The following ZNF580 variants were observed in gnomAD, a reference collection of about 807,000 sequenced individuals.
ZNF580 encodes the protein zinc finger protein 580.
Under a neutral mutation model 1.3 loss-of-function variants are expected in ZNF580, and 1 was observed. The observed-to-expected ratio is 0.77, with a 90% CI of 0.27 to 3.65. The LOEUF is 3.65. ZNF580 is among the 30% of genes most tolerant of loss of function. The pLI, the probability that ZNF580 is intolerant of heterozygous loss-of-function variation, is 0.19. For synonymous variants in ZNF580, 135 were observed against 128.8 expected, an observed-to-expected ratio of 1.05 and a Z score of -0.32; for missense variants, 268 against 272.3, an observed-to-expected ratio of 0.98 and a Z score of 0.11.
Position 55,643,109 on chromosome 19 carries a change from A to T in ZNF580, c.*82A>T. On this transcript the variant is annotated 3_prime_UTR_variant, in exon 2 of 2. Coordinates refer to ENST00000325333, the MANE Select transcript of ZNF580 (RefSeq NM_207115.2). ...CACAGCGTCACTCACTCCCACACAC[A>T]CCCCCTGGCTCTGCTGAGGTTACTG... 2 of 1,298,904 alleles carry T rather than the reference A, an allele frequency of 1.5e-6. No homozygotes were observed. The highest frequency in any genetic ancestry group is 2.6e-5 in the South Asian group (1 of 38,488). 80.5% of individuals were successfully genotyped at this position (1,298,904 alleles called of 1,614,324 possible).
chr19:55,642,241 G>A, intron 1 of ZNF580: 4 of 1,218,332 alleles, frequency 3.3e-6, no homozygotes, highest in Non-Finnish European at 4.1e-6. Flanking sequence ...GACCTGACCT[G>A]AGTGGTGAGA....
In ZNF580 at chr19:55,643,036, C is replaced by A; in HGVS notation, c.*9C>A. On this transcript the variant is annotated 3_prime_UTR_variant, in exon 2 of 2. Coordinates refer to ENST00000325333, the MANE Select transcript of ZNF580 (RefSeq NM_207115.2). ...ACGTGCGCCTCCACTAAGCTCGAGA[C>A]CCGGCCTGTGCTGCCCTGCCCGTCT... The A allele has an allele frequency of 7.4e-7, 1 of 1,358,500 alleles. No individual in the cohort carries two copies. Among genetic ancestry groups the A allele is most frequent in the East Asian group, 3.1e-5 (1 of 32,708 alleles). The allele number at this position is 1,358,500 out of a possible 1,614,324, so 84.2% of individuals were successfully genotyped here. A position where few individuals can be genotyped will look rare whatever the true frequency, so the allele number is the denominator to read the frequency against.
chr19:55,642,023 G>A (rs530071118), intron 1 of ZNF580: 2 of 984,932 alleles, frequency 2.0e-6, no homozygotes, highest in Non-Finnish European at 2.4e-6. Context: ...GGGCCGGTGG[G>A]GGGGTAGGGG....
intron 1 of ZNF580, 135 bp downstream of exon 1, chr19:55,641,318 G>A: frequency 1.7e-6 from 1 of 587,470 alleles, no homozygotes; most frequent in South Asian, 7.4e-5. Context: ...AGGGACGGGA[G>A]GGGAAGTCGA....
At chr19:55,642,156 G>A in intron 1 of ZNF580, 1 of 1,063,314 alleles carries the variant, frequency 9.4e-7, no homozygotes, top group South Asian at 4.4e-5. Flanking sequence ...GAGGTAAACA[G>A]ATTTAGGGAT....
Position 55,642,693 on chromosome 19 carries a change from C to A in ZNF580, c.185C>A (p.Pro62His). The part of the protein sequence containing the change: ...RHLLIDANGV[P>H]YTYTVQLEEE... ...CTCCTCATCGACGCCAATGGGGTCCCCTACACATACACGGTGCAGCTGGAG... is the reference window on the plus strand; with the variant it reads ...CTCCTCATCGACGCCAATGGGGTCCACTACACATACACGGTGCAGCTGGAG... The change falls in exon 2 of 2, where the codon CCC becomes CAC. Residue 62 changes from proline to histidine, a missense_variant. Pro to His is a moderately conservative substitution (Grantham distance 77). Coordinates refer to ENST00000325333, the MANE Select transcript of ZNF580 (RefSeq NM_207115.2). 1 of 1,477,334 alleles carries A rather than the reference C, an allele frequency of 6.8e-7. No individual in the cohort carries two copies. The highest frequency in any genetic ancestry group is 9.0e-7 in the Non-Finnish European group (1 of 1,113,644). 91.5% of individuals were successfully genotyped at this position (1,477,334 alleles called of 1,614,324 possible).
chr19:55,642,601 G>C lies in ZNF580; in HGVS notation c.93G>C (p.Lys31Asn). 6.9e-7 allele frequency: 1 copy of C among 1,449,036 alleles called. No individual in the cohort carries two copies. Among genetic ancestry groups the C allele is most frequent in the Non-Finnish European group, 9.1e-7 (1 of 1,101,058 alleles). 89.8% of individuals were successfully genotyped at this position (1,449,036 alleles called of 1,614,324 possible). Residue 31 changes from lysine (K) to asparagine (N), a missense_variant, in exon 2 of 2, where the codon AAG becomes AAC. By Grantham distance (94) the Lys-to-Asn change is moderately conservative (BLOSUM62 0). Transcript: ENST00000325333. ...CCCCCAAGGCTCCCCCTTTCCCCAA[G>C]GCGGAAGGCCCCTCCTCCACTCCTT... ...PPPPKAPPFP[K>N]AEGPSSTPSS...
intron 1 of ZNF580, chr19:55,641,746 G>C (rs1322743864): frequency 6.6e-6 from 1 of 152,026 alleles, no homozygotes; most frequent in African/African-American, 2.4e-5. Context: ...CAGGTTGGGG[G>C]GGCGGGGTAT....
chr19:55,642,324 C>G (rs1982555328), intron 1 of ZNF580, 173 bp from the exon 2 acceptor site: 2 of 1,261,370 alleles, frequency 1.6e-6, no homozygotes, highest in East Asian at 3.2e-5. Flanking sequence ...TCCGAGGCAG[C>G]TTGATGGAAC....
At position 55,642,980 on chromosome 19, in the gene ZNF580, C is replaced by T. The variant is rs1430678291; in HGVS notation, c.472C>T (p.Arg158Cys). 2.2e-6 allele frequency: 3 copies of T among 1,378,496 alleles called. No individual in the cohort carries two copies. Among genetic ancestry groups the T allele is most frequent in the African/African-American group, 1.5e-5 (1 of 65,168 alleles). 85.4% of individuals were successfully genotyped at this position (1,378,496 alleles called of 1,614,324 possible). ...GCACACCTGCCCGCTCTGCCCACGC[C>T]GCTTCCAGGACGCCGCGGAGCTGGC... ...PPHTCPLCPR[R>C]FQDAAELAQH... is the part of the protein sequence containing the mutation. The change falls in exon 2 of 2, where the codon CGC becomes TGC. Residue 158 changes from arginine (R) to cysteine (C), a missense_variant. Arg to Cys is a radical substitution (Grantham distance 180). This residue lies in a region of ZNF580 where 43 missense variants were observed against 70.5 expected (regional missense o/e 0.61). Coordinates refer to ENST00000325333, the MANE Select transcript of ZNF580 (RefSeq NM_207115.2).
rs1982599142 is a variant in ZNF580, at chr19:55,642,734, C to T, written c.226C>T (p.Pro76Ser). Residue 76 changes from proline to serine, a missense_variant, in exon 2 of 2, where the codon CCG (proline) becomes TCG (serine). Physicochemically the swap from Pro to Ser is moderately conservative, Grantham distance 74 (BLOSUM62 -1). Coordinates refer to ENST00000325333, the MANE Select transcript of ZNF580 (RefSeq NM_207115.2). The part of the protein sequence containing the change: ...TVQLEEEPRG[P>S]PQREAPPGEP... Reference sequence around the variant, plus strand: ...GCAGCTGGAGGAGGAGCCCCGGGGCCCGCCCCAGCGCGAGGCGCCCCCAGG... The same window carrying T: ...GCAGCTGGAGGAGGAGCCCCGGGGCTCGCCCCAGCGCGAGGCGCCCCCAGG... 6.6e-7 allele frequency: 1 copy of T among 1,516,998 alleles called. No homozygotes were observed. Among genetic ancestry groups the T allele is most frequent in the Non-Finnish European group, 8.8e-7 (1 of 1,135,262 alleles). 94.0% of individuals were successfully genotyped at this position (1,516,998 alleles called of 1,614,324 possible).
Position 55,642,814 on chromosome 19 carries a change from C to T in ZNF580, c.306C>T (p.Ala102=). 4 of 1,572,866 alleles carry T rather than the reference C, an allele frequency of 2.5e-6. No individual in the cohort carries two copies. Among genetic ancestry groups the T allele is most frequent in the Non-Finnish European group, 2.6e-6 (3 of 1,167,572 alleles). Residue 102 remains alanine (A), a synonymous_variant, in exon 2 of 2, where the codon GCC becomes GCT. Coordinates refer to ENST00000325333, the MANE Select transcript of ZNF580 (RefSeq NM_207115.2). The part of the protein sequence containing the change: ...YSCPECARVF[A]SPLRLQSHRV... ...GCCCGGAGTGCGCCCGTGTCTTTGC[C>T]AGCCCTCTGCGGCTGCAGAGCCACC...
rs1028929169 is a variant in ZNF580, at chr19:55,641,035, C to CCCCCGCGCCCCCAGT, written c.-153_-139dup. On this transcript the variant is annotated 5_prime_UTR_variant, in exon 1 of 2. Coordinates refer to ENST00000325333, the MANE Select transcript of ZNF580 (RefSeq NM_207115.2). ...CCAGGGACTCCGCCAACCCCTCGCA[C>CCCCCGCGCCCCCAGT]CCCCGCGCCCCCAGTCCCCGCGTCC... The CCCCCGCGCCCCCAGT allele has an allele frequency of 2.3e-5, 23 of 985,202 alleles. No individual in the cohort carries two copies. The highest frequency in any genetic ancestry group is 6.2e-5 in the Admixed American group (1 of 16,250). 61.0% of individuals were successfully genotyped at this position (985,202 alleles called of 1,614,324 possible). A position where few individuals can be genotyped will look rare whatever the true frequency, so the allele number is the denominator to read the frequency against.
In ZNF580 at chr19:55,642,490, C is replaced by A; in HGVS notation, c.-12-7C>A. The A allele has an allele frequency of 7.0e-7, 1 of 1,425,684 alleles. No homozygotes were observed. Among genetic ancestry groups the A allele is most frequent in the Non-Finnish European group, 9.2e-7 (1 of 1,091,302 alleles). 88.3% of individuals were successfully genotyped at this position (1,425,684 alleles called of 1,614,324 possible). ...ATTTTAACTAATCTCCCCTCCGCCG[C>A]TCCCAGCTGCCGCTCCAGATGCTGC... On this transcript the variant is annotated splice_polypyrimidine_tract_variant and splice_region_variant and intron_variant, in intron 1 of 1. Coordinates refer to ENST00000325333, the MANE Select transcript of ZNF580 (RefSeq NM_207115.2).
intron 1 of ZNF580, chr19:55,641,954 T>C (rs1409030242): frequency 1.3e-6 from 1 of 772,668 alleles, no homozygotes; most frequent in East Asian, 1.4e-4. Flanking sequence ...CCACGGAATA[T>C]GAAGATGGGG....
chr19:55,641,486 T>A (rs1982473511), intron 1 of ZNF580, among the ~76,000 whole-genome samples: 1 of 151,788 alleles, frequency 6.6e-6, no homozygotes, highest in Non-Finnish European at 1.5e-5. Flanking sequence ...CCACGCTGTG[T>A]GTAACAGGGA....
Position 55,641,140 on chromosome 19 carries a change from G to A in ZNF580, c.-56G>A, listed in dbSNP as rs1448519794. The A allele has an allele frequency of 3.0e-6, 3 of 985,300 alleles. No individual in the cohort carries two copies. The Admixed American group carries it at 1.8e-4, about 61-fold the overall frequency. 61.0% of individuals were successfully genotyped at this position (985,300 alleles called of 1,614,324 possible). A position where few individuals can be genotyped will look rare whatever the true frequency, so the allele number is the denominator to read the frequency against. On this transcript the variant is annotated 5_prime_UTR_variant, in exon 1 of 2. Coordinates refer to ENST00000325333, the MANE Select transcript of ZNF580 (RefSeq NM_207115.2). ...GCCAGGGGAAGCCCGGGGCCGCCCGGGACCTCGGCCCGTTCCTCCGGACCC... is the reference window on the plus strand; with the variant it reads ...GCCAGGGGAAGCCCGGGGCCGCCCGAGACCTCGGCCCGTTCCTCCGGACCC...
intron 1 of ZNF580, chr19:55,642,011 G>A: frequency 1.0e-6 from 1 of 983,336 alleles, no homozygotes; most frequent in African/African-American, 1.8e-5. Context: ...AGGCCGATAC[G>A]GGGGCCGGTG....
At chr19:55,642,459 G>C (rs1222963267) in intron 1 of ZNF580, 38 bp from the exon 2 acceptor site, 2 of 1,398,302 alleles carry the variant, frequency 1.4e-6, no homozygotes, top group Non-Finnish European at 1.9e-6. Context: ...CTAAAAGGAA[G>C]TGGCAATTTT....
Sources: gnomAD v4.1 joint callset for allele counts (sites outside exome capture counted in the v4.1 genomes callset) on GRCh38, gnomAD v4.1.1 for gene constraint, gnomAD v4.1.1 regional missense constraint, MANE v1.5 for transcripts, NCBI Gene and HGNC (gene_info 2026-07-23, HGNC 2026-07-21) for gene names.